The following ATP2B1 variants were observed in gnomAD, a reference collection of about 807,000 sequenced individuals.
The protein encoded by ATP2B1 is ATPase plasma membrane Ca2+ transporting 1.
In ATP2B1, 14 loss-of-function variants were observed where a neutral mutation model predicts 124.2. The ratio of observed to expected loss-of-function variants is 0.11; its 90% CI spans 0.07 to 0.18. ATP2B1 has a LOEUF of 0.18. Among genes scored for constraint, ATP2B1 ranks in the 10% least tolerant of loss-of-function variants. ATP2B1 has a pLI of 1.00. For missense variants in ATP2B1, 763 were observed against 1,466.1 expected, an observed-to-expected ratio of 0.52 and a Z score of 7.83; for synonymous variants, 449 against 492.4, an observed-to-expected ratio of 0.91 and a Z score of 1.17.
intron 5 of ATP2B1, among the ~76,000 whole-genome samples, chr12:89,631,890 C>T (rs949716858): frequency 6.6e-6 from 1 of 151,956 alleles, no homozygotes; most frequent in Non-Finnish European, 1.5e-5. Context: ...TCTTAGCCCC[C>T]AAAGTGCTGG....
At chr12:89,624,526 CTTCT>C (rs1004583493) in intron 8 of ATP2B1, 129 bp from the exon 9 acceptor site, 9 of 809,488 alleles carry the variant, frequency 1.1e-5, no homozygotes, top group Non-Finnish European at 1.5e-5. Flanking sequence ...TGAGAAATTA[CTTCT>C]TTCTTGCACC....
chr12:89,707,985 A>C (rs933807539), intron 1 of ATP2B1, among the ~76,000 whole-genome samples: 7 of 152,224 alleles, frequency 4.6e-5, no homozygotes, highest in Non-Finnish European at 8.8e-5. Flanking sequence ...AACTGTGAAC[A>C]TCCTGGGGGG....
intron 1 of ATP2B1, among the ~76,000 whole-genome samples, chr12:89,659,301 C>T (rs747331487): frequency 2.0e-5 from 3 of 151,954 alleles, no homozygotes; most frequent in Non-Finnish European, 4.4e-5. Flanking sequence ...AAATTTATCC[C>T]AGAATAAATG....
intron 9 of ATP2B1, 35 bp from the exon 10 acceptor site, chr12:89,621,826 G>T: frequency 1.3e-6 from 2 of 1,484,866 alleles, no homozygotes; most frequent in Non-Finnish European, 1.8e-6. Context: ...TAGTTAAGCT[G>T]CATATAAAAC....
At chr12:89,674,260 T>C (rs1888346812) in intron 1 of ATP2B1, among the ~76,000 whole-genome samples, 1 of 151,966 alleles carries the variant, frequency 6.6e-6, no homozygotes, top group Non-Finnish European at 1.5e-5. Context: ...ATTCTTTTTT[T>C]AACCTTTTAT....
Position 89,589,585 on chromosome 12 carries a change from A to G in ATP2B1, c.*1399T>C, listed in dbSNP as rs760288696. 3 of 152,122 alleles carry G rather than the reference A, an allele frequency of 2.0e-5. No homozygotes were observed. The highest frequency in any genetic ancestry group is 4.4e-5 in the Non-Finnish European group (3 of 67,992). The allele number at this position is 152,122 out of a possible 1,614,324, so 9.4% of individuals were successfully genotyped here. ...TTTACCTGTGAGACTATTTTAGACA[A>G]ACTAAATTCAATGAAGAGTATGTCA... is the stretch of plus-strand genomic sequence containing the variant. On this transcript the variant is annotated 3_prime_UTR_variant, in exon 21 of 21. Coordinates refer to ENST00000428670, the MANE Select transcript of ATP2B1 (RefSeq NM_001366521.1).
At chr12:89,702,909 A>G (rs1427720302) in intron 1 of ATP2B1, among the ~76,000 whole-genome samples, 3 of 152,234 alleles carry the variant, frequency 2.0e-5, no homozygotes, top group African/African-American at 7.2e-5. Flanking sequence ...AAAATTTAAT[A>G]GAAAATAGCT....
At chr12:89,614,834 T>C (rs1520183) in intron 12 of ATP2B1, among the ~76,000 whole-genome samples, 145,326 of 152,188 alleles carry the variant, frequency 0.95, 69,447 homozygotes, top group East Asian at 0.99. Flanking sequence ...GAAATCATTC[T>C]TTTCTTTCCA....
chr12:89,649,361 G>A (rs910679816), intron 2 of ATP2B1, among the ~76,000 whole-genome samples: 1 of 152,272 alleles, frequency 6.6e-6, no homozygotes, highest in Non-Finnish European at 1.5e-5. Context: ...CTTTGTATCA[G>A]TGTGCCCTAG....
chr12:89,627,531 C>G lies in ATP2B1; in HGVS notation c.967+147G>C. ...TTGCAGTGACGACATGACTAAGACA[C>G]CGGCAGGAAGAAAGGTTAACCCAAG... On this transcript the variant is annotated intron_variant, in intron 7 of 20. Transcript: ENST00000428670. 3 of 778,858 alleles carry G rather than the reference C, an allele frequency of 3.9e-6. No homozygotes were observed. The South Asian group carries it at 5.5e-5, about 14-fold the overall frequency. 48.2% of individuals were successfully genotyped at this position (778,858 alleles called of 1,614,324 possible). A position where few individuals can be genotyped will look rare whatever the true frequency, so the allele number is the denominator to read the frequency against.
chr12:89,648,342 T>C (rs952287952), intron 2 of ATP2B1, among the ~76,000 whole-genome samples: 4 of 152,138 alleles, frequency 2.6e-5, no homozygotes, highest in African/African-American at 9.7e-5. Context: ...AATGAGAAAC[T>C]TACTGGGAAC....
upstream of ATP2B1, chr12:89,708,959 A>G (rs1892880755): frequency 6.6e-6 from 1 of 151,444 alleles, no homozygotes; most frequent in African/African-American, 2.4e-5. Flanking sequence ...GGCTCCGCAG[A>G]GCGGCACACA....
At chr12:89,658,523 T>C (rs1285381122) in intron 1 of ATP2B1, among the ~76,000 whole-genome samples, 2 of 151,600 alleles carry the variant, frequency 1.3e-5, no homozygotes, top group Non-Finnish European at 2.9e-5. Context: ...TTATCAGTAA[T>C]AAAACTGTTT....
At chr12:89,592,473 T>C (rs1232386906) in intron 20 of ATP2B1, among the ~76,000 whole-genome samples, 1 of 152,076 alleles carries the variant, frequency 6.6e-6, no homozygotes, top group Non-Finnish European at 1.5e-5. Flanking sequence ...AAAAATGTAA[T>C]GTAGAGTTTA....
At chr12:89,625,744 T>C (rs1366501597) in intron 8 of ATP2B1, among the ~76,000 whole-genome samples, 1 of 152,148 alleles carries the variant, frequency 6.6e-6, no homozygotes. Context: ...CATTACCACT[T>C]GGCTACATAT....
At chr12:89,682,557 A>G (rs1434404551) in intron 1 of ATP2B1, among the ~76,000 whole-genome samples, 2 of 152,250 alleles carry the variant, frequency 1.3e-5, no homozygotes, top group Non-Finnish European at 2.9e-5. Flanking sequence ...AACTACATAC[A>G]GAAATAAATA....
At chr12:89,632,035 A>T (rs1051508551) in intron 5 of ATP2B1, among the ~76,000 whole-genome samples, 1 of 152,218 alleles carries the variant, frequency 6.6e-6, no homozygotes, top group Non-Finnish European at 1.5e-5. Context: ...AAGTCTGCTT[A>T]CGGTTCTCCG....
chr12:89,598,061 A>AAAAAAAAAAAAAAAAAAG, intron 20 of ATP2B1, among the ~76,000 whole-genome samples: 1 of 151,038 alleles, frequency 6.6e-6, no homozygotes, highest in Non-Finnish European at 1.5e-5. Context: ...AAAAAAAAAA[A>AAAAAAAAAAAAAAAAAAG]AATCAAAGCA....
chr12:89,603,645 A>T lies in ATP2B1; in HGVS notation c.2848+67T>A. On this transcript the variant is annotated intron_variant, in intron 17 of 20. Transcript: ENST00000428670. This position sits in a 1 kb window ranked among gnomAD's most constrained non-coding sequence, Gnocchi z 4.3. ...GCTCTTGAAAATTTGTAACATTATAACATCTTGGATGATTAGCTTGGAAAA... is the reference window on the plus strand; with the variant it reads ...GCTCTTGAAAATTTGTAACATTATATCATCTTGGATGATTAGCTTGGAAAA... The T allele has an allele frequency of 4.0e-6, 6 of 1,504,060 alleles. No individual in the cohort carries two copies. Among genetic ancestry groups the T allele is most frequent in the Non-Finnish European group, 5.5e-6 (6 of 1,089,348 alleles). The allele number at this position is 1,504,060 out of a possible 1,614,324, so 93.2% of individuals were successfully genotyped here.
Sources: gnomAD v4.1 joint callset for allele counts (sites outside exome capture counted in the v4.1 genomes callset) on GRCh38, gnomAD v4.1.1 for gene constraint, Gnocchi (gnomAD v3.1) non-coding constraint, MANE v1.5 for transcripts, NCBI Gene and HGNC (gene_info 2026-07-23, HGNC 2026-07-21) for gene names.